Variants in CLASP2 observed in about 807,000 individuals in gnomAD.
The protein encoded by CLASP2 is CLIP-associating protein 2.
In CLASP2, 47 loss-of-function variants were observed where a neutral mutation model predicts 194.4. The ratio of observed to expected loss-of-function variants is 0.24; its 90% confidence interval spans 0.19 to 0.31. CLASP2 has a LOEUF of 0.31. CLASP2 is among the 10% of genes least tolerant of loss of function. CLASP2 has a pLI of 1.00. For synonymous variants in CLASP2, 619 were observed against 633.5 expected (o/e 0.98, Z 0.34); for missense variants, 1,445 against 1,823.6 (o/e 0.79, Z 3.78).
chr3:33,597,121 A>G (rs917595936), intron 18 of CLASP2, among the ~76,000 whole-genome samples: 1 of 152,044 alleles, frequency 6.6e-6, no homozygotes, highest in Non-Finnish European at 1.5e-5. Context: ...CCCAAATTCC[A>G]CACTTAGGCC....
At chr3:33,580,816 C>G (rs765563360) in intron 23 of CLASP2, among the ~76,000 whole-genome samples, 1 of 151,684 alleles carries the variant, frequency 6.6e-6, no homozygotes, top group Non-Finnish European at 1.5e-5. Context: ...GAGATCGAGA[C>G]CATCCTGGCT....
intron 10 of CLASP2, among the ~76,000 whole-genome samples, chr3:33,626,605 C>T (rs1167398217): frequency 6.6e-6 from 1 of 152,008 alleles, no homozygotes; most frequent in Non-Finnish European, 1.5e-5. Context: ...GCTATGAAAA[C>T]ACTGAACATG....
chr3:33,679,812 A>G (rs927518235), intron 6 of CLASP2, among the ~76,000 whole-genome samples: 1 of 152,228 alleles, frequency 6.6e-6, no homozygotes, highest in African/African-American at 2.4e-5. Context: ...GCACTTTGGA[A>G]GACAGTCTGG....
In CLASP2 at chr3:33,684,528, T is replaced by G. The variant is rs2090342516; in HGVS notation, c.547-72A>C. On this transcript the variant is annotated intron_variant, in intron 5 of 38. Coordinates refer to ENST00000682230, the MANE Select transcript of CLASP2 (RefSeq NM_001365631.1). Reference sequence around the variant, plus strand: ...TAAAATACTTCATCTCAAGGTAACATTACACTAACAGACCAACTTGAAGCT... The same window carrying G: ...TAAAATACTTCATCTCAAGGTAACAGTACACTAACAGACCAACTTGAAGCT... 7.0e-6 allele frequency: 7 copies of G among 994,274 alleles called. No individual in the cohort carries two copies. The South Asian group carries it at 9.7e-5, about 14-fold the overall frequency. 61.6% of individuals were successfully genotyped at this position (994,274 alleles called of 1,614,324 possible). A position where few individuals can be genotyped will look rare whatever the true frequency, so the allele number is the denominator to read the frequency against.
chr3:33,650,606 T>C (rs1460230737), intron 7 of CLASP2, among the ~76,000 whole-genome samples: 2 of 149,500 alleles, frequency 1.3e-5, no homozygotes, highest in Non-Finnish European at 3.0e-5. Context: ...GAGATGGAAA[T>C]GAAGTAGGAA....
chr3:33,577,150 A>T, intron 23 of CLASP2: 1 of 1,286,408 alleles, frequency 7.8e-7, no homozygotes, highest in Non-Finnish European at 1.1e-6. Flanking sequence ...ACTGAAAAGG[A>T]TAAAATCTGA....
At chr3:33,523,651 G>T (rs920760292) in intron 34 of CLASP2, among the ~76,000 whole-genome samples, 28 of 152,196 alleles carry the variant, frequency 1.8e-4, no homozygotes, top group African/African-American at 6.7e-4. Flanking sequence ...CTCAATAAAC[G>T]TAAATATATA....
chr3:33,500,813 C>T (rs145964873), intron 38 of CLASP2, among the ~76,000 whole-genome samples: 9 of 152,240 alleles, frequency 5.9e-5, no homozygotes, highest in South Asian at 2.1e-4. Context: ...CTTTAAGTGA[C>T]GGTGAGTGCT....
chr3:33,686,830 A>G (rs1174650008), intron 5 of CLASP2, among the ~76,000 whole-genome samples: 1 of 152,168 alleles, frequency 6.6e-6, no homozygotes, highest in African/African-American at 2.4e-5. Flanking sequence ...ACTAACCATT[A>G]AGTCCCATCT....
At chr3:33,567,350 C>G (rs1232193016) in intron 26 of CLASP2, among the ~76,000 whole-genome samples, 1 of 152,242 alleles carries the variant, frequency 6.6e-6, no homozygotes, top group African/African-American at 2.4e-5. Context: ...GGAGATTCAA[C>G]TGTGCCTCAT....
chr3:33,708,906 T>C (rs890420840), intron 1 of CLASP2, among the ~76,000 whole-genome samples: 1 of 152,212 alleles, frequency 6.6e-6, no homozygotes, highest in Non-Finnish European at 1.5e-5. Flanking sequence ...TGAGGTGATA[T>C]TTCATCGTGG....
chr3:33,558,559 T>G (rs1275453206), intron 29 of CLASP2: 2 of 152,096 alleles, frequency 1.3e-5, no homozygotes, highest in Non-Finnish European at 2.9e-5. Context: ...CTTTTACATT[T>G]TTTCTTTTAT....
At chr3:33,687,417 T>G (rs1184481137) in intron 4 of CLASP2, among the ~76,000 whole-genome samples, 1 of 152,226 alleles carries the variant, frequency 6.6e-6, no homozygotes, top group Non-Finnish European at 1.5e-5. Flanking sequence ...ATGGCACTCT[T>G]AAACCTAGCA....
chr3:33,710,752 T>C (rs1289451315), intron 1 of CLASP2, among the ~76,000 whole-genome samples: 1 of 152,108 alleles, frequency 6.6e-6, no homozygotes, highest in African/African-American at 2.4e-5. Flanking sequence ...CTGGCCAACA[T>C]GGTGAAACCC....
intron 24 of CLASP2, among the ~76,000 whole-genome samples, chr3:33,575,960 G>C (rs112007748): frequency 0.015 from 2,261 of 152,076 alleles, 52 homozygotes; most frequent in African/African-American, 0.049. Flanking sequence ...TTTCTGATAG[G>C]CCATCAGTAA....
Position 33,661,805 on chromosome 3 carries a change from G to A in CLASP2, c.715+1640C>T, listed in dbSNP as rs141784147. Among the ~76,000 whole-genome samples the A allele has an allele frequency of 2.0e-4, 31 of 152,314 alleles. No individual in the cohort carries two copies. In the East Asian group the frequency reaches 5.4e-3, roughly 27 times the overall value. ...GAGTTATCATTTAAAGCCTTTGAGTGGGGTTGGATCACTAAGAAAGAGAGA... is the reference window on the plus strand; with the variant it reads ...GAGTTATCATTTAAAGCCTTTGAGTAGGGTTGGATCACTAAGAAAGAGAGA... On this transcript the variant is annotated intron_variant, in intron 7 of 38. Transcript: ENST00000682230.
intron 37 of CLASP2, among the ~76,000 whole-genome samples, chr3:33,506,253 C>T (rs747672497): frequency 2.0e-5 from 3 of 151,228 alleles, no homozygotes; most frequent in Admixed American, 6.6e-5. Flanking sequence ...AGGCACCTGT[C>T]GTCCCAGCCA....
chr3:33,666,437 T>C lies in CLASP2; in HGVS notation c.645-2922A>G, dbSNP rs188772393. On this transcript the variant is annotated intron_variant, in intron 6 of 38. Coordinates refer to ENST00000682230, the MANE Select transcript of CLASP2 (RefSeq NM_001365631.1). ...ACTATATCTAGCCTATGAGTTGCCA[T>C]ATCTGGCCATTTCATATAAATGGAA... 1.0e-3 allele frequency among the ~76,000 whole-genome samples: 153 copies of C among 152,340 alleles called. 1 individual carries two copies. The highest frequency in any genetic ancestry group is 5.6e-4 in the Non-Finnish European group (38 of 68,032).
chr3:33,582,472 T>C (rs1003345879), intron 22 of CLASP2, among the ~76,000 whole-genome samples: 3 of 151,976 alleles, frequency 2.0e-5, no homozygotes, highest in African/African-American at 4.8e-5. Context: ...CTGGGCAACA[T>C]AGTGAGACCT....
Sources: gnomAD v4.1 joint callset for allele counts (sites outside exome capture counted in the v4.1 genomes callset) on GRCh38, gnomAD v4.1.1 for gene constraint, MANE v1.5 for transcripts, NCBI Gene and HGNC (gene_info 2026-07-23, HGNC 2026-07-21) for gene names.